Variants in AKAP6 observed in about 807,000 individuals in gnomAD.
AKAP6 encodes the protein A-kinase anchoring protein 6, also known as A-kinase anchor protein 6.
Under a neutral mutation model 188.5 loss-of-function variants are expected in AKAP6, and 58 were observed. The ratio of observed to expected loss-of-function variants is 0.31; its 90% CI spans 0.25 to 0.38. The LOEUF is 0.38. Among genes scored for constraint, AKAP6 ranks in the 10% least tolerant of loss-of-function variants. The probability of loss-of-function intolerance (pLI) is 1.00; values close to 1 mark genes in which losing one functional copy is unlikely to be tolerated. For synonymous variants in AKAP6, 989 were observed against 998.6 expected (o/e 0.99, Z 0.18); for missense variants, 2,710 against 2,740.0 (o/e 0.99, Z 0.24).
chr14:32,545,577 G>A lies in AKAP6; in HGVS notation c.924G>A (p.Glu308=). 6.2e-7 allele frequency: 1 copy of A among 1,614,168 alleles called. No individual in the cohort carries two copies. The highest frequency in any genetic ancestry group is 8.5e-7 in the Non-Finnish European group (1 of 1,180,018). The change falls in exon 4 of 14, where the codon GAG becomes GAA. Residue 308 remains glutamate, a synonymous_variant. Coordinates refer to ENST00000280979, the MANE Select transcript of AKAP6 (RefSeq NM_004274.5). ...CAGTAGACGACAAAGGTGGATGTGA[G>A]GAAGACAATGCTTCTGCAGTCGAAG... ...SLSVDDKGGC[E]EDNASAVEEQ...
At chr14:32,368,813 G>A (rs1198566207) in intron 1 of AKAP6, among the ~76,000 whole-genome samples, 3 of 149,364 alleles carry the variant, frequency 2.0e-5, no homozygotes, top group Non-Finnish European at 3.0e-5. Flanking sequence ...TATCAAATAA[G>A]ACCAAAATAA....
chr14:32,373,440 G>C (rs1257942406), intron 1 of AKAP6: 1 of 152,204 alleles, frequency 6.6e-6, no homozygotes, highest in Non-Finnish European at 1.5e-5. Flanking sequence ...GATCTGGGTG[G>C]TGCCAGCTGA....
At chr14:32,434,704 G>T (rs1380132283) in intron 2 of AKAP6, among the ~76,000 whole-genome samples, 3 of 152,204 alleles carry the variant, frequency 2.0e-5, no homozygotes, top group African/African-American at 4.8e-5. Context: ...AACATTCTTG[G>T]ATCTTAACAC....
chr14:32,580,428 G>A (rs533096429), intron 5 of AKAP6, among the ~76,000 whole-genome samples: 2 of 152,076 alleles, frequency 1.3e-5, no homozygotes, highest in African/African-American at 2.4e-5. Flanking sequence ...TTCTTGGACA[G>A]ACTTCTATCT....
chr14:32,516,300 A>G (rs760874505), intron 2 of AKAP6, among the ~76,000 whole-genome samples: 11 of 152,178 alleles, frequency 7.2e-5, no homozygotes, highest in Non-Finnish European at 1.5e-4. Flanking sequence ...TCATATTTTT[A>G]TTGAGCCTTT....
chr14:32,489,279 G>C (rs1369309178), intron 2 of AKAP6, among the ~76,000 whole-genome samples: 1 of 152,146 alleles, frequency 6.6e-6, no homozygotes, highest in South Asian at 2.1e-4. Context: ...TGTGATCATA[G>C]CTCACTACAG....
At chr14:32,641,385 C>G (rs979332911) in intron 7 of AKAP6, among the ~76,000 whole-genome samples, 2 of 150,354 alleles carry the variant, frequency 1.3e-5, no homozygotes, top group Non-Finnish European at 3.0e-5. Context: ...CACCTGTAAT[C>G]CCAGCACTTT....
At chr14:32,444,012 T>C (rs1445577821) in intron 2 of AKAP6, among the ~76,000 whole-genome samples, 1 of 152,134 alleles carries the variant, frequency 6.6e-6, no homozygotes, top group Non-Finnish European at 1.5e-5. Context: ...ATGGGAGGTA[T>C]ATACATATTA....
At chr14:32,494,374 C>T (rs966012652) in intron 2 of AKAP6, 1 of 152,128 alleles carries the variant, frequency 6.6e-6, no homozygotes, top group Non-Finnish European at 1.5e-5. Flanking sequence ...GAACTCACAT[C>T]GTAAGGAGGC....
chr14:32,813,397 C>CCT (rs1285018234), intron 12 of AKAP6, among the ~76,000 whole-genome samples: 1 of 123,746 alleles, frequency 8.1e-6, no homozygotes, highest in Admixed American at 7.7e-5. Context: ...CTACCCCCCC[C>CCT]CCCAACCCCT....
chr14:32,715,652 C>T (rs1195253268), intron 9 of AKAP6, among the ~76,000 whole-genome samples: 1 of 151,864 alleles, frequency 6.6e-6, no homozygotes, highest in African/African-American at 2.4e-5. Flanking sequence ...TAGGAAATAG[C>T]TTGGCATGTT....
intron 7 of AKAP6, among the ~76,000 whole-genome samples, chr14:32,644,995 T>C (rs983558684): frequency 6.6e-6 from 1 of 152,196 alleles, no homozygotes; most frequent in African/African-American, 2.4e-5. Context: ...CAGTCCTCTC[T>C]CATTTATGGA....
intron 11 of AKAP6, among the ~76,000 whole-genome samples, chr14:32,772,228 C>T (rs2032921208): frequency 6.6e-6 from 1 of 152,134 alleles, no homozygotes; most frequent in Non-Finnish European, 1.5e-5. Flanking sequence ...GATTTCTCCT[C>T]ATTCAGCACT....
chr14:32,811,530 C>G (rs554389153), intron 12 of AKAP6, among the ~76,000 whole-genome samples: 1 of 152,122 alleles, frequency 6.6e-6, no homozygotes, highest in African/African-American at 2.4e-5. Context: ...ACAACTGTAA[C>G]TATGGGTCAG....
chr14:32,819,784 T>A (rs1172872127), intron 12 of AKAP6, among the ~76,000 whole-genome samples: 3 of 152,002 alleles, frequency 2.0e-5, no homozygotes. Flanking sequence ...ACCCTGTCTC[T>A]ACAAAAAATA....
At chr14:32,414,459 G>A (rs192796539) in intron 1 of AKAP6, among the ~76,000 whole-genome samples, 15 of 152,144 alleles carry the variant, frequency 9.9e-5, no homozygotes, top group African/African-American at 3.1e-4. Context: ...TTGCAGAACC[G>A]GTATTACATG....
At chr14:32,649,282 A>G (rs1391779696) in intron 7 of AKAP6, among the ~76,000 whole-genome samples, 1 of 152,182 alleles carries the variant, frequency 6.6e-6, no homozygotes, top group Non-Finnish European at 1.5e-5. Context: ...CCTGACAGGA[A>G]CTTTGAGGGT....
intron 2 of AKAP6, among the ~76,000 whole-genome samples, chr14:32,519,260 T>C (rs145102920): frequency 0.051 from 7,727 of 152,184 alleles, 648 homozygotes; most frequent in African/African-American, 0.18. Context: ...GTAAAGACCA[T>C]TGAGGCTAGG....
At chr14:32,481,413 C>T (rs1474135923) in intron 2 of AKAP6, among the ~76,000 whole-genome samples, 8 of 152,022 alleles carry the variant, frequency 5.3e-5, no homozygotes, top group South Asian at 2.1e-4. Flanking sequence ...AAGACATACC[C>T]GGGACTGGGT....
Sources: allele counts gnomAD v4.1 joint callset (sites outside exome capture counted in the v4.1 genomes callset), GRCh38; gene constraint gnomAD v4.1.1; transcripts MANE v1.5; gene names NCBI Gene and HGNC (gene_info 2026-07-23, HGNC 2026-07-21).